The following ATP6V1E2 variants were observed in gnomAD, a reference collection of about 807,000 sequenced individuals.
ATP6V1E2 encodes ATPase H+ transporting V1 subunit E2, also known as V-type proton ATPase subunit E 2.
For synonymous variants in ATP6V1E2, 121 were observed against 104.2 expected, an observed-to-expected ratio of 1.16 and a Z score of -0.98; for missense variants, 308 against 273.3, an observed-to-expected ratio of 1.13 and a Z score of -0.90.
At chr2:46,518,372 A>G (rs1161009758) in intron 4 of ATP6V1E2, among the ~76,000 whole-genome samples, 1 of 152,056 alleles carries the variant, frequency 6.6e-6, no homozygotes, top group Non-Finnish European at 1.5e-5. Flanking sequence ...GTTCTGTTCA[A>G]TGGGTGTAGT....
rs1667592350 is a variant in ATP6V1E2 at position 46,539,108 on chromosome 2, T to C, written c.-310+2282A>G. ...TTCCAAGATTACAGAGATTACATTA[T>C]AAAAACATTTAGCAGAAGCAAATGG... On this transcript the variant is annotated intron_variant, in intron 2 of 4. Coordinates refer to ENST00000522587, the MANE Select transcript of ATP6V1E2 (RefSeq NM_001318063.2). Among the ~76,000 whole-genome samples, 2 of 146,548 alleles carry C rather than the reference T, an allele frequency of 1.4e-5. 1 individual carries two copies. The highest frequency in any genetic ancestry group is 4.1e-4 in the East Asian group (2 of 4,902).
At chr2:46,527,014 G>T (rs1420257241) in intron 4 of ATP6V1E2, among the ~76,000 whole-genome samples, 1 of 152,130 alleles carries the variant, frequency 6.6e-6, no homozygotes, top group Non-Finnish European at 1.5e-5. Flanking sequence ...GGGTTCCAGT[G>T]TTTCCACATC....
intron 4 of ATP6V1E2, among the ~76,000 whole-genome samples, chr2:46,522,567 G>A (rs1666695570): frequency 6.6e-6 from 1 of 152,140 alleles, no homozygotes; most frequent in Non-Finnish European, 1.5e-5. Flanking sequence ...TAAAGGATAT[G>A]ATCTCATTCC....
intron 4 of ATP6V1E2, among the ~76,000 whole-genome samples, chr2:46,516,125 C>T (rs1191259582): frequency 6.6e-6 from 1 of 152,140 alleles, no homozygotes; most frequent in African/African-American, 2.4e-5. Context: ...AATATCCAGA[C>T]AGAAAATCAG....
At position 46,515,977 on chromosome 2, in the gene ATP6V1E2, G is replaced by C. The variant is rs150034211; in HGVS notation, c.-101-3165C>G. On this transcript the variant is annotated intron_variant, in intron 4 of 4. Transcript: ENST00000522587. ...AAAGAGTCAATTCACCTGGAAGATA[G>C]AACACTTATAAATATATATGTACCC... Among the ~76,000 whole-genome samples, 933 of 152,258 alleles carry C rather than the reference G, an allele frequency of 6.1e-3. 5 individuals carry two copies. The highest frequency in any genetic ancestry group is 0.01 in the Admixed American group (160 of 15,294).
chr2:46,537,434 T>G (rs1286155427), intron 2 of ATP6V1E2: 1 of 152,222 alleles, frequency 6.6e-6, no homozygotes, highest in Non-Finnish European at 1.5e-5. Context: ...AAGACTTTGT[T>G]CAATGAGTGG....
chr2:46,517,946 T>C (rs1205617629), intron 4 of ATP6V1E2, among the ~76,000 whole-genome samples: 2 of 152,206 alleles, frequency 1.3e-5, no homozygotes, highest in African/African-American at 2.4e-5. Flanking sequence ...GAACACAGTA[T>C]GGTGGTTATT....
intron 4 of ATP6V1E2, chr2:46,519,590 C>T (rs920620929): frequency 6.6e-6 from 1 of 152,270 alleles, no homozygotes; most frequent in Non-Finnish European, 1.5e-5. Flanking sequence ...CTGCACTTAC[C>T]ATTTGTACGA....
chr2:46,540,608 T>C (rs1667694900), intron 2 of ATP6V1E2, among the ~76,000 whole-genome samples: 1 of 130,932 alleles, frequency 7.6e-6, no homozygotes, highest in South Asian at 2.5e-4. Flanking sequence ...GAGCTTTTTC[T>C]GTAACTTTTT....
intron 4 of ATP6V1E2, among the ~76,000 whole-genome samples, chr2:46,525,332 G>A (rs1028412662): frequency 6.6e-6 from 1 of 151,814 alleles, no homozygotes; most frequent in African/African-American, 2.4e-5. Context: ...CGCAGTGGCG[G>A]GCGCCTGTAG....
intron 4 of ATP6V1E2, among the ~76,000 whole-genome samples, chr2:46,533,187 G>A (rs973499538): frequency 1.0e-4 from 15 of 146,090 alleles, no homozygotes; most frequent in African/African-American, 3.6e-4. Flanking sequence ...ATCATATATA[G>A]TGTGTGCATG....
chr2:46,511,933 G>A lies in ATP6V1E2; in HGVS notation c.*98C>T. 1 of 1,080,346 alleles carries A rather than the reference G, an allele frequency of 9.3e-7. No homozygotes were observed. The highest frequency in any genetic ancestry group is 1.3e-6 in the Non-Finnish European group (1 of 754,744). 66.9% of individuals were successfully genotyped at this position (1,080,346 alleles called of 1,614,324 possible). On this transcript the variant is annotated 3_prime_UTR_variant, in exon 5 of 5. Coordinates refer to ENST00000522587, the MANE Select transcript of ATP6V1E2 (RefSeq NM_001318063.2). ...CGTGAAGAAAAACAGAACAGTATCA[G>A]AGCATCAAAGAGGAGGAAACACTAC...
rs529524931 is a variant in ATP6V1E2 at position 46,539,386 on chromosome 2, C to G, written c.-310+2004G>C. 7.9e-5 allele frequency among the ~76,000 whole-genome samples: 12 copies of G among 152,350 alleles called. No homozygotes were observed. In the East Asian group the frequency reaches 2.3e-3, roughly 29 times the overall value. On this transcript the variant is annotated intron_variant, in intron 2 of 4. Transcript: ENST00000522587. ...CAAGGTTCCCCTCTGAGTGGATGCA[C>G]CCCTATGGGCACAGGGTTTGACAAA...
chr2:46,526,362 T>C (rs1666919762), intron 4 of ATP6V1E2, among the ~76,000 whole-genome samples: 1 of 152,164 alleles, frequency 6.6e-6, no homozygotes, highest in African/African-American at 2.4e-5. Context: ...GTGATCCACC[T>C]GCCTCAGCCT....
intron 2 of ATP6V1E2, among the ~76,000 whole-genome samples, chr2:46,541,141 G>A (rs1394631638): frequency 6.6e-6 from 1 of 152,204 alleles, no homozygotes; most frequent in Non-Finnish European, 1.5e-5. Context: ...AAATGGTCCT[G>A]CAAGCCAAGA....
intron 4 of ATP6V1E2, among the ~76,000 whole-genome samples, chr2:46,518,019 A>T (rs1045919333): frequency 6.6e-5 from 10 of 152,220 alleles, no homozygotes; most frequent in African/African-American, 2.4e-4. Context: ...AAAAGAACTG[A>T]AAATAGAATC....
At chr2:46,527,443 G>A (rs1024337392) in intron 4 of ATP6V1E2, among the ~76,000 whole-genome samples, 8 of 152,238 alleles carry the variant, frequency 5.3e-5, no homozygotes, top group East Asian at 1.9e-4. Context: ...GGATGGTCTC[G>A]ATCTCCTGAC....
In ATP6V1E2 at chr2:46,515,165, T is replaced by TA. The variant is rs545702346; in HGVS notation, c.-101-2354dup. Among the ~76,000 whole-genome samples the TA allele has an allele frequency of 3.2e-4, 49 of 152,304 alleles. 1 individual carries two copies. Among genetic ancestry groups the TA allele is most frequent in the Admixed American group, 2.7e-3 (42 of 15,298 alleles). On this transcript the variant is annotated intron_variant, in intron 4 of 4. Transcript: ENST00000522587. Reference sequence around the variant, plus strand: ...CTTTCTATTTGAAACAGAAGGCCACTAGACAGCATATGAAAGTGTAAAGCT... The same window carrying TA: ...CTTTCTATTTGAAACAGAAGGCCACTAAGACAGCATATGAAAGTGTAAAGCT...
chr2:46,539,085 C>CCATTTAAACCA (rs6146751), intron 2 of ATP6V1E2, among the ~76,000 whole-genome samples: 93,777 of 151,718 alleles, frequency 0.62, 29,718 homozygotes, highest in East Asian at 0.81. Context: ...ACGGCAGCTT[C>CCATTTAAACCA]CAAGATTACA....
Sources: allele counts gnomAD v4.1 joint callset (sites outside exome capture counted in the v4.1 genomes callset), GRCh38; gene constraint gnomAD v4.1.1; transcripts MANE v1.5; gene names NCBI Gene and HGNC (gene_info 2026-07-23, HGNC 2026-07-21).